KDELR3: variants seen among roughly 807,000 people sequenced by gnomAD.
The protein encoded by KDELR3 is ER lumen protein-retaining receptor 3.
KDELR3 carries 26 observed loss-of-function variants against 22.7 expected under a neutral mutation model. The observed-to-expected ratio is 1.15, with a 90% CI of 0.84 to 1.59. KDELR3 has a LOEUF of 1.59. Ranked by LOEUF, KDELR3 falls within the 40% of genes most tolerant of loss-of-function variation. The probability of loss-of-function intolerance (pLI) is 0.00; values close to 1 mark genes in which losing one functional copy is unlikely to be tolerated. For missense variants in KDELR3, 289 were observed against 251.1 expected, an observed-to-expected ratio of 1.15 and a Z score of -1.02; for synonymous variants, 120 against 98.2, an observed-to-expected ratio of 1.22 and a Z score of -1.31.
chr22:38,482,642 A>G lies in KDELR3; in HGVS notation c.*106A>G, dbSNP rs758732037. The G allele has an allele frequency of 1.9e-6, 2 of 1,042,764 alleles. No individual in the cohort carries two copies. The highest frequency in any genetic ancestry group is 1.5e-6 in the Non-Finnish European group (1 of 679,892). The allele number at this position is 1,042,764 out of a possible 1,614,324, so 64.6% of individuals were successfully genotyped here. The stretch of plus-strand genomic sequence containing the variant: ...ATTTGGGATCAAATGTTAAAACCAG[A>G]AAAGTGTTTAGTGTGGATTTCAGCA... On this transcript the variant is annotated 3_prime_UTR_variant, in exon 5 of 5. Coordinates refer to ENST00000216014, the MANE Select transcript of KDELR3 (RefSeq NM_006855.4).
chr22:38,470,625 C>T (rs1472905479), intron 1 of KDELR3, among the ~76,000 whole-genome samples: 1 of 152,110 alleles, frequency 6.6e-6, no homozygotes, highest in Non-Finnish European at 1.5e-5. Flanking sequence ...TTGGGCTTCA[C>T]TCTCACTCCT....
rs189168220 is a variant in KDELR3, at chr22:38,473,868, G to A, written c.92-655G>A. Among the ~76,000 whole-genome samples, 675 of 152,138 alleles carry A rather than the reference G, an allele frequency of 4.4e-3. 3 individuals are homozygous for A. Among genetic ancestry groups the A allele is most frequent in the Non-Finnish European group, 7.8e-3 (528 of 68,010 alleles). Reference sequence around the variant, plus strand: ...AGGCACCTGTAATCCCAGCTACTTCGGAGGCTGAGGCAGGAGAATCACTTG... The same window carrying A: ...AGGCACCTGTAATCCCAGCTACTTCAGAGGCTGAGGCAGGAGAATCACTTG... On this transcript the variant is annotated intron_variant, in intron 1 of 4. Coordinates refer to ENST00000216014, the MANE Select transcript of KDELR3 (RefSeq NM_006855.4).
chr22:38,472,505 C>T (rs2089531562), intron 1 of KDELR3, among the ~76,000 whole-genome samples: 1 of 151,572 alleles, frequency 6.6e-6, no homozygotes, highest in Non-Finnish European at 1.5e-5. Context: ...TAAAAAGTGG[C>T]CAAAGGACAC....
At chr22:38,472,079 T>G (rs941815996) in intron 1 of KDELR3, among the ~76,000 whole-genome samples, 1 of 152,148 alleles carries the variant, frequency 6.6e-6, no homozygotes. Context: ...GACAGCACAG[T>G]AGTTCCCCCT....
intron 2 of KDELR3, among the ~76,000 whole-genome samples, chr22:38,477,074 CTT>C (rs138429): frequency 0.89 from 110,375 of 124,610 alleles, 49,497 homozygotes; most frequent in Non-Finnish European, 0.96. Context: ...GCCTGGCTAA[CTT>C]TTTTTTTTTT....
chr22:38,474,304 A>C (rs1314395723), intron 1 of KDELR3: 1 of 470,658 alleles, frequency 2.1e-6, no homozygotes, highest in Non-Finnish European at 3.8e-6. Context: ...GGAGACTGGG[A>C]GACAGATTAC....
chr22:38,475,303 C>T (rs996159659), intron 2 of KDELR3, among the ~76,000 whole-genome samples: 2 of 151,946 alleles, frequency 1.3e-5, no homozygotes, highest in African/African-American at 4.8e-5. Context: ...CAGTGAGACT[C>T]CGCCTCTACA....
At chr22:38,481,142 A>C in intron 3 of KDELR3, 70 bp from the exon 4 acceptor site, 1 of 1,334,464 alleles carries the variant, frequency 7.5e-7, no homozygotes. Context: ...TTGTTTTAGT[A>C]ATTATGTTCT....
chr22:38,477,860 C>G (rs2089570530), intron 2 of KDELR3, among the ~76,000 whole-genome samples: 1 of 152,162 alleles, frequency 6.6e-6, no homozygotes, highest in Non-Finnish European at 1.5e-5. Context: ...GCAGACTCAG[C>G]CCTTGCCATA....
chr22:38,468,345 A>G (rs2089500667), intron 1 of KDELR3, 21 bp downstream of exon 1: 1 of 1,609,034 alleles, frequency 6.2e-7, no homozygotes, highest in Non-Finnish European at 8.5e-7. Flanking sequence ...CCTGGCAGGG[A>G]GGTGCGGGAC....
At chr22:38,477,208 C>CA (rs1491256295) in intron 2 of KDELR3, among the ~76,000 whole-genome samples, 9 of 147,506 alleles carry the variant, frequency 6.1e-5, no homozygotes, top group Admixed American at 4.7e-4. Flanking sequence ...CCACCATGCC[C>CA]AGTCTTTTTT....
At chr22:38,475,573 A>G (rs1352469291) in intron 2 of KDELR3, among the ~76,000 whole-genome samples, 3 of 152,218 alleles carry the variant, frequency 2.0e-5, no homozygotes, top group African/African-American at 7.2e-5. Context: ...ATGTAAGCTG[A>G]CAGCTTAGTG....
rs1555923419 is a variant in KDELR3 at position 38,481,194 on chromosome 22, GCTTT to G, written c.352-15_352-12del. On this transcript the variant is annotated splice_polypyrimidine_tract_variant and intron_variant, in intron 3 of 4. Coordinates refer to ENST00000216014, the MANE Select transcript of KDELR3 (RefSeq NM_006855.4). The stretch of plus-strand genomic sequence containing the variant: ...TCTTGGTCTTGCTCAGTCTCTGGTT[GCTTT>G]CTCTTTGGCTCAGATCCTCTGGACT... 7 of 1,604,164 alleles carry G rather than the reference GCTTT, an allele frequency of 4.4e-6. No individual in the cohort carries two copies. The highest frequency in any genetic ancestry group is 4.3e-6 in the Non-Finnish European group (5 of 1,174,850).
intron 2 of KDELR3, among the ~76,000 whole-genome samples, chr22:38,479,102 C>G (rs892164245): frequency 3.3e-5 from 5 of 151,872 alleles, no homozygotes; most frequent in African/African-American, 1.2e-4. Context: ...TGTTAGCAGG[C>G]CATAAGTAGT....
At chr22:38,480,095 C>T (rs1243320514) in intron 3 of KDELR3, among the ~76,000 whole-genome samples, 1 of 152,140 alleles carries the variant, frequency 6.6e-6, no homozygotes, top group African/African-American at 2.4e-5. Flanking sequence ...AATCTGCAGG[C>T]AACAAGCATC....
intron 2 of KDELR3, among the ~76,000 whole-genome samples, chr22:38,478,018 G>A (rs2089571432): frequency 6.6e-6 from 1 of 152,196 alleles, no homozygotes; most frequent in Non-Finnish European, 1.5e-5. Context: ...TTGCCACGGA[G>A]TCCTCTCTTA....
chr22:38,473,916 G>A (rs944345045), intron 1 of KDELR3, among the ~76,000 whole-genome samples: 4 of 152,122 alleles, frequency 2.6e-5, no homozygotes, highest in Admixed American at 6.5e-5. Flanking sequence ...AGAGGTTGTG[G>A]TGAGCCGAGA....
chr22:38,472,982 G>C (rs1026455452), intron 1 of KDELR3, among the ~76,000 whole-genome samples: 1 of 152,176 alleles, frequency 6.6e-6, no homozygotes, highest in Admixed American at 6.5e-5. Context: ...TTACAGGCAT[G>C]AGCCACCGCC....
intron 1 of KDELR3, among the ~76,000 whole-genome samples, chr22:38,471,955 C>A (rs979334993): frequency 6.6e-6 from 1 of 151,694 alleles, no homozygotes; most frequent in African/African-American, 2.4e-5. Flanking sequence ...CAGAGTGAGA[C>A]CCTGCCTCAC....
Sources: allele counts gnomAD v4.1 joint callset (sites outside exome capture counted in the v4.1 genomes callset), GRCh38; gene constraint gnomAD v4.1.1; transcripts MANE v1.5; gene names NCBI Gene and HGNC (gene_info 2026-07-23, HGNC 2026-07-21).